TAOK2: variants seen among roughly 807,000 people sequenced by gnomAD.
TAOK2 encodes serine/threonine-protein kinase TAO2.
TAOK2 carries 42 observed loss-of-function variants against 122.5 expected under a neutral mutation model. That is an observed-to-expected ratio of 0.34 (90% confidence interval 0.27 to 0.44). The LOEUF is 0.44. Among genes scored for constraint, TAOK2 ranks in the 20% least tolerant of loss-of-function variants. The probability of loss-of-function intolerance (pLI) is 1.00; values close to 1 mark genes in which losing one functional copy is unlikely to be tolerated. For missense variants in TAOK2, 1,264 were observed against 1,644.9 expected (o/e 0.77, Z 4.01); for synonymous variants, 704 against 677.6 (o/e 1.04, Z -0.61).
chr16:29,984,259 C>T (rs1348406597), intron 13 of TAOK2, among the ~76,000 whole-genome samples: 1 of 152,230 alleles, frequency 6.6e-6, no homozygotes, highest in Non-Finnish European at 1.5e-5. Flanking sequence ...AATGAGGCAC[C>T]TGTGGCTCAG....
intron 5 of TAOK2, 30 bp from the exon 6 acceptor site, chr16:29,978,944 C>T: frequency 1.2e-6 from 2 of 1,613,952 alleles, no homozygotes; most frequent in Non-Finnish European, 1.7e-6. Context: ...CTTGCGCTCC[C>T]TCGGGTTGAT....
rs758744945 is a variant in TAOK2, at chr16:29,986,544, A to G, written c.2272A>G (p.Ile758Val). 2 of 1,613,528 alleles carry G rather than the reference A, an allele frequency of 1.2e-6. No homozygotes were observed. Among genetic ancestry groups the G allele is most frequent in the East Asian group, 2.2e-5 (1 of 44,890 alleles). The part of the protein sequence containing the change: ...GQRPPGLPLP[I>V]PGALGPPNTG... The stretch of plus-strand genomic sequence containing the variant: ...GCGCCCCCCGGGCCTTCCACTCCCC[A>G]TTCCTGGGGCTCTGGGCCCACCCAA... The change falls in exon 16 of 16, where the codon ATT (isoleucine) becomes GTT (valine). Residue 758 changes from isoleucine (I) to valine (V), a missense_variant. Transcript: ENST00000308893. The surrounding 1 kb of genome is among the most constrained non-coding windows in gnomAD (Gnocchi z 4.2).
At chr16:29,982,584 T>TTAG (rs72535032) in intron 10 of TAOK2, 150 bp from the exon 11 acceptor site, 1 of 1,054,494 alleles carries the variant, frequency 9.5e-7, no homozygotes, top group East Asian at 2.5e-5. Context: ...GTACAGAAAA[T>TTAG]TGTGAGAGAA....
chr16:29,983,872 T>G (rs1300912010), intron 13 of TAOK2, among the ~76,000 whole-genome samples: 1 of 152,216 alleles, frequency 6.6e-6, no homozygotes, highest in Non-Finnish European at 1.5e-5. Context: ...ATCTGGGTGT[T>G]TCTAGCTTGG....
rs762936175 is a variant in TAOK2 at position 29,978,772 on chromosome 16, G to A, written c.307-27G>A. On this transcript the variant is annotated intron_variant, in intron 4 of 15. Coordinates refer to ENST00000308893, the MANE Select transcript of TAOK2 (RefSeq NM_016151.4). ...TTTGAGTCCCTGCCCAGGAGACTCT[G>A]ATCTCTGACCCTTGTCTCTTCCTTA... is the stretch of plus-strand genomic sequence containing the variant. 9 of 1,613,944 alleles carry A rather than the reference G, an allele frequency of 5.6e-6. No homozygotes were observed. The South Asian group carries it at 8.8e-5, about 16-fold the overall frequency.
At position 29,979,164 on chromosome 16, in the gene TAOK2, A is replaced by C. The variant is rs373143692; in HGVS notation, c.450-31A>C. Reference sequence around the variant, plus strand: ...CCCCTGCCTAGCTTTCTTGAGACACATGTCTCATCCCTGTACTTTGCCTCT... The same window carrying C: ...CCCCTGCCTAGCTTTCTTGAGACACCTGTCTCATCCCTGTACTTTGCCTCT... On this transcript the variant is annotated intron_variant, in intron 6 of 15. Coordinates refer to ENST00000308893, the MANE Select transcript of TAOK2 (RefSeq NM_016151.4). The surrounding 1 kb of genome is among the most constrained non-coding windows in gnomAD (Gnocchi z 4.1). 2.6e-4 allele frequency: 416 copies of C among 1,610,880 alleles called. No homozygotes were observed. The highest frequency in any genetic ancestry group is 3.4e-4 in the Non-Finnish European group (396 of 1,177,350).
Position 29,987,132 on chromosome 16 carries a change from G to A in TAOK2, c.2860G>A (p.Gly954Ser), listed in dbSNP as rs374422460. The A allele has an allele frequency of 4.1e-5, 66 of 1,595,954 alleles. No homozygotes were observed. Among genetic ancestry groups the A allele is most frequent in the Non-Finnish European group, 4.9e-5 (58 of 1,172,740 alleles). Residue 954 changes from glycine to serine, a missense_variant, in exon 16 of 16, where the codon GGC (glycine) becomes AGC (serine). Transcript: ENST00000308893. ...PGLLSHGLLA[G>S]LSFAVGSSSG... ...ACTCCTGTCCCATGGCCTCCTGGCC[G>A]GCCTCTCCTTTGCAGTGGGGTCCTC...
At chr16:29,977,698 T>C (rs2069497042) in intron 1 of TAOK2, 40 bp from the exon 2 acceptor site, 5 of 1,567,528 alleles carry the variant, frequency 3.2e-6, no homozygotes, top group Non-Finnish European at 3.5e-6. Flanking sequence ...CCCTGAAGGC[T>C]CAATCCTTGA....
At chr16:29,990,783 G>C, downstream of TAOK2, 1 of 1,603,082 alleles carries the variant, frequency 6.2e-7, no homozygotes, top group Non-Finnish European at 8.5e-7. Context: ...ATCTTCCCCA[G>C]CTGCGGCTTG....
chr16:29,990,785 T>TGCG, downstream of TAOK2: 1 of 1,603,466 alleles, frequency 6.2e-7, no homozygotes, highest in Non-Finnish European at 8.5e-7. Context: ...CTTCCCCAGC[T>TGCG]GCGGCTTGAT....
At chr16:29,981,822 C>G (rs1204329922) in intron 9 of TAOK2, 37 bp from the exon 10 acceptor site, 1 of 1,601,766 alleles carries the variant, frequency 6.2e-7, no homozygotes, top group Non-Finnish European at 8.6e-7. Context: ...TGACTCATGC[C>G]TTCCCCACCC....
At chr16:29,988,601 G>A (rs2069890419), downstream of TAOK2, 2 of 985,414 alleles carry the variant, frequency 2.0e-6, no homozygotes, top group Non-Finnish European at 2.4e-6. Flanking sequence ...CTGGGCCCCT[G>A]TAGAACTTCA....
At chr16:29,976,587 G>A (rs538203144) in intron 1 of TAOK2, among the ~76,000 whole-genome samples, 2 of 152,318 alleles carry the variant, frequency 1.3e-5, no homozygotes, top group Admixed American at 1.3e-4. Flanking sequence ...AGCCTGTCTT[G>A]GAATCTCCTT....
chr16:29,989,327 C>G, downstream of TAOK2: 6 of 985,342 alleles, frequency 6.1e-6, no homozygotes, highest in Non-Finnish European at 6.0e-6. Flanking sequence ...CTTGTCTTCT[C>G]TGCATCTCTT....
At chr16:29,980,589 A>G (rs984848022) in intron 8 of TAOK2, 4 of 151,966 alleles carry the variant, frequency 2.6e-5, no homozygotes, top group African/African-American at 7.3e-5. Context: ...CTTGGTTCGT[A>G]TTGGGTCCTC....
In TAOK2 at chr16:29,987,164, C is replaced by T. The variant is rs1221117272; in HGVS notation, c.2892C>T (p.Gly964=). 6.4e-7 allele frequency: 1 copy of T among 1,562,542 alleles called. No homozygotes were observed. Among genetic ancestry groups the T allele is most frequent in the Non-Finnish European group, 8.6e-7 (1 of 1,159,730 alleles). ...CCTTTGCAGTGGGGTCCTCCTCTGG[C>T]CTCCTGCCCCTCCTGCTGCTGCTGC... ...GLSFAVGSSS[G]LLPLLLLLLL... Residue 964 remains glycine (G), a synonymous_variant, in exon 16 of 16, where the codon GGC becomes GGT. Coordinates refer to ENST00000308893, the MANE Select transcript of TAOK2 (RefSeq NM_016151.4).
At position 29,986,344 on chromosome 16, in the gene TAOK2, A is replaced by G; in HGVS notation, c.2072A>G (p.Glu691Gly). 1 of 1,583,838 alleles carries G rather than the reference A, an allele frequency of 6.3e-7. No homozygotes were observed. Among genetic ancestry groups the G allele is most frequent in the South Asian group, 1.1e-5 (1 of 88,506 alleles). ...LRQHEATREL[E>G]LRQLQAVQRT... Reference sequence around the variant, plus strand: ...CAGCACGAGGCCACGCGGGAGCTGGAGCTGCGGCAGCTCCAGGCCGTGCAG... The same window carrying G: ...CAGCACGAGGCCACGCGGGAGCTGGGGCTGCGGCAGCTCCAGGCCGTGCAG... The change falls in exon 16 of 16, where the codon GAG becomes GGG. Residue 691 changes from glutamate to glycine, a missense_variant. By Grantham distance (98) the Glu-to-Gly change is moderately conservative. This residue lies in a region of TAOK2 where 824 missense variants were observed against 908.7 expected (regional missense o/e 0.91). Coordinates refer to ENST00000308893, the MANE Select transcript of TAOK2 (RefSeq NM_016151.4). The surrounding 1 kb of genome is among the most constrained non-coding windows in gnomAD (Gnocchi z 4.2).
At position 29,987,979 on chromosome 16, in the gene TAOK2, A is replaced by C. The variant is rs1304961608; in HGVS notation, c.3707A>C (p.Ter1236SerextTer10). 1.3e-6 allele frequency: 2 copies of C among 1,523,718 alleles called. No homozygotes were observed. The highest frequency in any genetic ancestry group is 1.8e-6 in the Non-Finnish European group (2 of 1,142,734). 94.4% of individuals were successfully genotyped at this position (1,523,718 alleles called of 1,614,324 possible). ...TCCCGGGCCCTGCCCCCCTGGAGGT[A>C]GCTGACTCCAGCCCTTCCAGCCCAA... ...RQSRALPPWR[*>S] Residue 1236 changes from the stop codon to serine (S), a stop_lost, in exon 16 of 16, where the codon TAG becomes TCG. Coordinates refer to ENST00000308893, the MANE Select transcript of TAOK2 (RefSeq NM_016151.4).
At chr16:29,989,211 C>G, downstream of TAOK2, 1 of 985,368 alleles carries the variant, frequency 1.0e-6, no homozygotes, top group Non-Finnish European at 1.2e-6. Flanking sequence ...GTCTCTCCCT[C>G]TTTGCCTGGT....
Sources: gnomAD v4.1 joint callset for allele counts (sites outside exome capture counted in the v4.1 genomes callset) on GRCh38, gnomAD v4.1.1 for gene constraint, gnomAD v4.1.1 regional missense constraint, Gnocchi (gnomAD v3.1) non-coding constraint, MANE v1.5 for transcripts, NCBI Gene and HGNC (gene_info 2026-07-23, HGNC 2026-07-21) for gene names.